The following PCSK5 variants were observed in gnomAD, a reference collection of about 807,000 sequenced individuals.
PCSK5 encodes prohormone convertase 5.
PCSK5 carries 129 observed loss-of-function variants against 233.2 expected under a neutral mutation model. The observed-to-expected ratio is 0.55, with a 90% confidence interval of 0.48 to 0.64. PCSK5 has a LOEUF of 0.64. Among genes scored for constraint, PCSK5 ranks in the 30% least tolerant of loss-of-function variants. The pLI is 0.00. For synonymous variants in PCSK5, 825 were observed against 879.2 expected (o/e 0.94, Z 1.09); for missense variants, 2,076 against 2,430.1 (o/e 0.85, Z 3.06).
At chr9:76,159,674 A>T (rs2131819427) in intron 12 of PCSK5, among the ~76,000 whole-genome samples, 1 of 152,300 alleles carries the variant, frequency 6.6e-6, no homozygotes, top group Admixed American at 6.5e-5. Context: ...CTGCCATTCG[A>T]GTACAGAAGC....
At chr9:76,238,187 A>T (rs1826310617) in intron 22 of PCSK5, among the ~76,000 whole-genome samples, 1 of 152,248 alleles carries the variant, frequency 6.6e-6, no homozygotes, top group South Asian at 2.1e-4. Flanking sequence ...TAGATGCATC[A>T]GTAGTCATCT....
intron 17 of PCSK5, 150 bp downstream of exon 17, chr9:76,184,907 A>T (rs1824033338): frequency 1.9e-6 from 1 of 516,470 alleles, no homozygotes; most frequent in African/African-American, 2.0e-5. Flanking sequence ...TGCTATTTGC[A>T]TTATCTCTGC....
chr9:76,126,812 G>A (rs191135263), intron 9 of PCSK5, among the ~76,000 whole-genome samples: 5 of 152,232 alleles, frequency 3.3e-5, no homozygotes, highest in East Asian at 3.9e-4. Context: ...GGGATTAGAC[G>A]ATGAGAGATT....
intron 1 of PCSK5, among the ~76,000 whole-genome samples, chr9:75,918,692 C>G (rs572524659): frequency 6.6e-6 from 1 of 152,134 alleles, no homozygotes; most frequent in Non-Finnish European, 1.5e-5. Flanking sequence ...TGGAAAGCAG[C>G]ACTTTACTAG....
chr9:76,051,486 T>C (rs1198010589), intron 5 of PCSK5, among the ~76,000 whole-genome samples: 1 of 152,186 alleles, frequency 6.6e-6, no homozygotes, highest in Non-Finnish European at 1.5e-5. Flanking sequence ...GGTACTTTGG[T>C]ATTTTCCAGG....
At chr9:76,288,739 A>G (rs1187013000) in intron 24 of PCSK5, among the ~76,000 whole-genome samples, 1 of 152,230 alleles carries the variant, frequency 6.6e-6, no homozygotes, top group Non-Finnish European at 1.5e-5. Context: ...TGGGGTTGCC[A>G]TGGTTATGCT....
intron 20 of PCSK5, among the ~76,000 whole-genome samples, chr9:76,196,173 T>TATC (rs1264955197): frequency 6.6e-6 from 1 of 152,256 alleles, no homozygotes; most frequent in Admixed American, 6.5e-5. Context: ...GTATTGTTTC[T>TATC]ATCAGATTGT....
rs765744838 is a variant in PCSK5 at position 76,096,043 on chromosome 9, G to A, written c.1048G>A (p.Glu350Lys). 2 of 1,614,070 alleles carry A rather than the reference G, an allele frequency of 1.2e-6. No individual in the cohort carries two copies. Among genetic ancestry groups the A allele is most frequent in the Non-Finnish European group, 1.7e-6 (2 of 1,180,044 alleles). ...CGGAAAGAAACCTTGGTACCTGGAAGAGTGTTCATCCACGCTGGCCACAAC... is the reference window on the plus strand; with the variant it reads ...CGGAAAGAAACCTTGGTACCTGGAAAAGTGTTCATCCACGCTGGCCACAAC... The part of the protein sequence containing the change: ...ESGKKPWYLE[E>K]CSSTLATTYS... The change falls in exon 8 of 38, where the codon GAG becomes AAG. Residue 350 changes from glutamate (E) to lysine (K), a missense_variant. Physicochemically the swap from Glu to Lys is moderately conservative, Grantham distance 56 (BLOSUM62 1). This residue lies in a region of PCSK5 where 178 missense variants were observed against 393.6 expected (regional missense o/e 0.45). Coordinates refer to ENST00000674117, the MANE Select transcript of PCSK5 (RefSeq NM_001372043.1).
intron 1 of PCSK5, among the ~76,000 whole-genome samples, chr9:75,910,361 A>T (rs1245026100): frequency 2.0e-5 from 3 of 152,214 alleles, no homozygotes; most frequent in Non-Finnish European, 4.4e-5. Context: ...ATCAGAAGCC[A>T]CTTATTAGTT....
intron 3 of PCSK5, among the ~76,000 whole-genome samples, chr9:76,001,710 G>A (rs1827269941): frequency 6.6e-6 from 1 of 152,046 alleles, no homozygotes; most frequent in Non-Finnish European, 1.5e-5. Context: ...TTCCCCTAAT[G>A]TGCCTGTTTT....
At chr9:75,962,481 A>G (rs1237820833) in intron 2 of PCSK5, among the ~76,000 whole-genome samples, 1 of 152,186 alleles carries the variant, frequency 6.6e-6, no homozygotes, top group Non-Finnish European at 1.5e-5. Context: ...AATGCGGTAG[A>G]GTGGCTCTTT....
intron 9 of PCSK5, among the ~76,000 whole-genome samples, chr9:76,118,848 G>A (rs1435705790): frequency 1.3e-5 from 2 of 151,922 alleles, no homozygotes; most frequent in African/African-American, 2.4e-5. Context: ...ATGCTATGAT[G>A]CTAGTTCCAA....
At chr9:76,271,219 GA>G (rs925494594) in intron 24 of PCSK5, among the ~76,000 whole-genome samples, 3 of 151,866 alleles carry the variant, frequency 2.0e-5, no homozygotes, top group Non-Finnish European at 4.4e-5. Flanking sequence ...AGATTATACA[GA>G]AAAAAAATCA....
chr9:76,313,173 C>G (rs985019638), intron 30 of PCSK5, among the ~76,000 whole-genome samples: 1 of 152,078 alleles, frequency 6.6e-6, no homozygotes, highest in African/African-American at 2.4e-5. Context: ...ATGGTGTGGC[C>G]AGAATTTGAA....
chr9:76,038,453 A>C (rs372120316), intron 5 of PCSK5, among the ~76,000 whole-genome samples: 2 of 152,324 alleles, frequency 1.3e-5, no homozygotes. Flanking sequence ...ATTTTATTGA[A>C]TGTCATACTC....
At chr9:75,954,814 T>C (rs987045834) in intron 2 of PCSK5, among the ~76,000 whole-genome samples, 1 of 152,178 alleles carries the variant, frequency 6.6e-6, no homozygotes, top group Non-Finnish European at 1.5e-5. Flanking sequence ...AGCAGTTCTG[T>C]GCTGTCCTTG....
intron 20 of PCSK5, among the ~76,000 whole-genome samples, chr9:76,201,343 A>G (rs1824908820): frequency 6.6e-6 from 1 of 152,206 alleles, no homozygotes; most frequent in Non-Finnish European, 1.5e-5. Context: ...AAGGCTTCAT[A>G]TGGGTTATTT....
At chr9:75,905,716 C>A (rs1460315734) in intron 1 of PCSK5, among the ~76,000 whole-genome samples, 2 of 152,126 alleles carry the variant, frequency 1.3e-5, no homozygotes, top group East Asian at 1.9e-4. Flanking sequence ...TCAGTGGGGC[C>A]GGTAGACTCT....
intron 24 of PCSK5, among the ~76,000 whole-genome samples, chr9:76,254,343 C>T (rs912124079): frequency 6.6e-6 from 1 of 152,040 alleles, no homozygotes; most frequent in Admixed American, 6.5e-5. Context: ...TGAAATAGTC[C>T]CAGATGTGTG....
Sources: gnomAD v4.1 joint callset for allele counts (sites outside exome capture counted in the v4.1 genomes callset) on GRCh38, gnomAD v4.1.1 for gene constraint, gnomAD v4.1.1 regional missense constraint, MANE v1.5 for transcripts, NCBI Gene and HGNC (gene_info 2026-07-23, HGNC 2026-07-21) for gene names.